Variants in ACTR3C observed in about 807,000 individuals in gnomAD.
ACTR3C encodes actin related protein 3C.
ACTR3C carries 18 observed loss-of-function variants against 26.3 expected under a neutral mutation model. The ratio of observed to expected loss-of-function variants is 0.68; its 90% CI spans 0.47 to 1.01. ACTR3C has a LOEUF of 1.01. Among genes scored for constraint, ACTR3C ranks in the 50% least tolerant of loss-of-function variants. The pLI, the probability that ACTR3C is intolerant of heterozygous loss-of-function variation, is 0.00. For missense variants in ACTR3C, 184 were observed against 250.7 expected, an observed-to-expected ratio of 0.73 and a Z score of 1.80; for synonymous variants, 55 against 94.5, an observed-to-expected ratio of 0.58 and a Z score of 2.42.
chr7:150,092,543 C>T, the ACTR3C span, among the ~76,000 whole-genome samples: 1 of 149,118 alleles, frequency 6.7e-6, no homozygotes, highest in African/African-American at 2.5e-5. Flanking sequence ...TGGATTGTTG[C>T]AACAATACAA....
At chr7:150,002,488 C>G in the ACTR3C span, 1 of 152,270 alleles carries the variant, frequency 6.6e-6, no homozygotes, top group Non-Finnish European at 1.5e-5. Context: ...CTAACTTTCC[C>G]TTGAACAATC....
At chr7:150,192,370 C>G in the ACTR3C span, among the ~76,000 whole-genome samples, 1 of 152,090 alleles carries the variant, frequency 6.6e-6, no homozygotes, top group Non-Finnish European at 1.5e-5. Context: ...GCAATCATAG[C>G]TCACTGCAGC....
chr7:150,219,316 G>A, the ACTR3C span, among the ~76,000 whole-genome samples: 5,868 of 134,878 alleles, frequency 0.044, 419 homozygotes, highest in African/African-American at 0.16. Context: ...TCGAAAATAA[G>A]ATGACAGAGT....
chr7:150,288,813 C>T (rs1318011216), intron 4 of ACTR3C, among the ~76,000 whole-genome samples: 322 of 145,004 alleles, frequency 2.2e-3, no homozygotes, highest in African/African-American at 8.3e-3. Flanking sequence ...GCAGGTCATA[C>T]CCAACTGCAG....
At chr7:150,016,942 C>T in the ACTR3C span, among the ~76,000 whole-genome samples, 1 of 151,888 alleles carries the variant, frequency 6.6e-6, no homozygotes, top group Non-Finnish European at 1.5e-5. Context: ...GGAGGTATTC[C>T]CAGGACTGGG....
At chr7:149,984,161 G>GT in the ACTR3C span, among the ~76,000 whole-genome samples, 2 of 151,482 alleles carry the variant, frequency 1.3e-5, no homozygotes, top group African/African-American at 4.8e-5. Flanking sequence ...GTTTAGTTAT[G>GT]TTTTTTTCCC....
chr7:150,032,685 T>C, the ACTR3C span, among the ~76,000 whole-genome samples: 1 of 151,928 alleles, frequency 6.6e-6, no homozygotes, highest in Non-Finnish European at 1.5e-5. Context: ...GGGAATATCA[T>C]GTCAGCACCA....
chr7:150,241,281 G>A (rs1313113131), downstream of ACTR3C, among the ~76,000 whole-genome samples: 3 of 152,028 alleles, frequency 2.0e-5, no homozygotes, highest in African/African-American at 7.3e-5. Context: ...AAGGCCCTGT[G>A]GTATTGGTGT....
At chr7:149,932,176 A>G in the ACTR3C span, among the ~76,000 whole-genome samples, 1 of 152,208 alleles carries the variant, frequency 6.6e-6, no homozygotes, top group Non-Finnish European at 1.5e-5. Context: ...GTTTAGATAT[A>G]TTCTATAACA....
At chr7:149,961,379 G>A in the ACTR3C span, among the ~76,000 whole-genome samples, 2 of 152,044 alleles carry the variant, frequency 1.3e-5, no homozygotes, top group African/African-American at 2.4e-5. Flanking sequence ...CAGATAGGAA[G>A]TGTATGCTCA....
the ACTR3C span, among the ~76,000 whole-genome samples, chr7:150,134,494 CAT>C: frequency 6.6e-6 from 1 of 152,340 alleles, no homozygotes; most frequent in East Asian, 1.9e-4. Context: ...TTTACACACA[CAT>C]GAACACGTGC....
At chr7:150,056,522 C>A in the ACTR3C span, among the ~76,000 whole-genome samples, 1 of 152,208 alleles carries the variant, frequency 6.6e-6, no homozygotes, top group Non-Finnish European at 1.5e-5. Flanking sequence ...AAAAGTAATT[C>A]TCTCAACAAT....
At chr7:149,905,423 A>G in the ACTR3C span, among the ~76,000 whole-genome samples, 1 of 149,948 alleles carries the variant, frequency 6.7e-6, no homozygotes, top group African/African-American at 2.4e-5. Flanking sequence ...TTAACTTAAA[A>G]TTTTCTTAGA....
At chr7:150,127,667 CTGT>C in the ACTR3C span, among the ~76,000 whole-genome samples, 1 of 149,644 alleles carries the variant, frequency 6.7e-6, no homozygotes, top group Admixed American at 6.6e-5. Context: ...TTTTATTGTA[CTGT>C]TTTTTTTCTT....
chr7:150,270,897 T>C (rs17134467), intron 6 of ACTR3C, among the ~76,000 whole-genome samples: 32,403 of 150,762 alleles, frequency 0.21, 5,115 homozygotes, highest in African/African-American at 0.47. Context: ...TTCTCACAGG[T>C]CATCTTTTCA....
the ACTR3C span, among the ~76,000 whole-genome samples, chr7:149,921,215 A>C: frequency 1.3e-5 from 2 of 152,144 alleles, no homozygotes; most frequent in Non-Finnish European, 2.9e-5. Context: ...TCTGTTCCAC[A>C]CACTCTGTTC....
chr7:150,096,827 G>C, the ACTR3C span, among the ~76,000 whole-genome samples: 1 of 151,834 alleles, frequency 6.6e-6, no homozygotes, highest in African/African-American at 2.4e-5. Context: ...GGCCTGTTCT[G>C]AGCTTAGGTC....
At chr7:150,240,820 G>T (rs6962556), downstream of ACTR3C, among the ~76,000 whole-genome samples, 16,939 of 151,954 alleles carry the variant, frequency 0.11, 1,653 homozygotes, top group African/African-American at 0.24. Context: ...ACACTACGGG[G>T]TTTACAAATA....
chr7:150,316,119 C>T (rs1796856020), intron 1 of ACTR3C, among the ~76,000 whole-genome samples: 1 of 152,180 alleles, frequency 6.6e-6, no homozygotes, highest in Non-Finnish European at 1.5e-5. Flanking sequence ...ATTGCCTGAA[C>T]CCGGGAGGTG....
Sources: gnomAD v4.1 joint callset for allele counts (sites outside exome capture counted in the v4.1 genomes callset) on GRCh38, gnomAD v4.1.1 for gene constraint, MANE v1.5 for transcripts, NCBI Gene and HGNC (gene_info 2026-07-23, HGNC 2026-07-21) for gene names.